Variants in CACNA1C observed in about 807,000 individuals in gnomAD.
CACNA1C encodes the protein calcium voltage-gated channel subunit alpha1 C.
CACNA1C carries 30 observed loss-of-function variants against 229.0 expected under a neutral mutation model. That is an observed-to-expected ratio of 0.13 (90% CI 0.10 to 0.18). The LOEUF is 0.18. Ranked by LOEUF, CACNA1C falls within the 10% of genes least tolerant of loss-of-function variation. The probability of loss-of-function intolerance (pLI) is 1.00; values close to 1 mark genes in which losing one functional copy is unlikely to be tolerated. For synonymous variants in CACNA1C, 1,114 were observed against 1,132.5 expected (o/e 0.98, Z 0.33); for missense variants, 1,658 against 2,845.0 (o/e 0.58, Z 9.49).
chr12:2,450,447 G>C (rs376769580), intron 4 of CACNA1C, among the ~76,000 whole-genome samples: 1 of 150,320 alleles, frequency 6.7e-6, no homozygotes, highest in East Asian at 2.0e-4. Flanking sequence ...CCAGCTACTC[G>C]GGAGGCTGAG....
chr12:2,115,343 G>A lies in CACNA1C; in HGVS notation c.169G>A (p.Asp57Asn), dbSNP rs773528195. 5 of 1,587,382 alleles carry A rather than the reference G, an allele frequency of 3.1e-6. No individual in the cohort carries two copies. The highest frequency in any genetic ancestry group is 2.3e-5 in the South Asian group (2 of 87,986). ...TGCCCTGTCGTGGCAGGCGGCCATCGACGCAGCCCGGCAGGCTAAGCTGAT... is the reference window on the plus strand; with the variant it reads ...TGCCCTGTCGTGGCAGGCGGCCATCAACGCAGCCCGGCAGGCTAAGCTGAT... ...GAALSWQAAI[D>N]AARQAKLMGS... Residue 57 changes from aspartate (D) to asparagine (N), a missense_variant, in exon 2 of 47, where the codon GAC becomes AAC. By Grantham distance (23) the Asp-to-Asn change is conservative. Transcript: ENST00000399655.
chr12:2,326,268 C>T (rs189881819), intron 3 of CACNA1C, among the ~76,000 whole-genome samples: 5 of 152,296 alleles, frequency 3.3e-5, no homozygotes, highest in Middle Eastern at 3.4e-3. Flanking sequence ...TCAGAGGGAA[C>T]GCGCTGATCT....
chr12:2,239,718 C>T (rs1405366568), intron 3 of CACNA1C, among the ~76,000 whole-genome samples: 2 of 152,228 alleles, frequency 1.3e-5, no homozygotes, highest in Non-Finnish European at 2.9e-5. Flanking sequence ...TCCAGTGGCT[C>T]TCTCCTGGGC....
intron 38 of CACNA1C, chr12:2,672,052 T>C (rs1263843662): frequency 1.3e-5 from 2 of 152,250 alleles, no homozygotes; most frequent in African/African-American, 2.4e-5. Context: ...TCTACATTTG[T>C]GAAGATGAGG....
rs1350126839 is a variant in CACNA1C at position 2,682,591 on chromosome 12, A to G, written c.5486A>G (p.Glu1829Gly). Residue 1829 changes from glutamate to glycine, a missense_variant, in exon 43 of 47, where the codon GAG becomes GGG. Coordinates refer to ENST00000399655, the MANE Select transcript of CACNA1C (RefSeq NM_000719.7). Reference sequence around the variant, plus strand: ...AGCCAGGCAGCCATGGCGGGTCAGGAGGAGACGTCTCAGGATGAGACCTAT... The same window carrying G: ...AGCCAGGCAGCCATGGCGGGTCAGGGGGAGACGTCTCAGGATGAGACCTAT... ...RESQAAMAGQ[E>G]ETSQDETYEV... 7.4e-6 allele frequency: 12 copies of G among 1,612,412 alleles called. No homozygotes were observed. Among genetic ancestry groups the G allele is most frequent in the Non-Finnish European group, 9.3e-6 (11 of 1,179,480 alleles).
At chr12:2,232,312 T>A (rs1476441368) in intron 3 of CACNA1C, among the ~76,000 whole-genome samples, 1 of 150,486 alleles carries the variant, frequency 6.6e-6, no homozygotes. Context: ...GGGTCAGTTA[T>A]CATGTAGAAT....
chr12:2,032,047 G>A (rs1179027772), intron 1 of CACNA1C, among the ~76,000 whole-genome samples: 2 of 152,092 alleles, frequency 1.3e-5, no homozygotes, highest in Non-Finnish European at 2.9e-5. Flanking sequence ...GGTAAGAGCA[G>A]TGTAACCACA....
At chr12:2,507,342 C>T (rs567157909) in intron 8 of CACNA1C, among the ~76,000 whole-genome samples, 1 of 152,274 alleles carries the variant, frequency 6.6e-6, no homozygotes, top group Admixed American at 6.5e-5. Flanking sequence ...GAGGCCTCTC[C>T]TCATGTGTCA....
At position 2,491,341 on chromosome 12, in the gene CACNA1C, A is replaced by G. The variant is rs564130794; in HGVS notation, c.917-1849A>G. On this transcript the variant is annotated intron_variant, in intron 6 of 46. Coordinates refer to ENST00000399655, the MANE Select transcript of CACNA1C (RefSeq NM_000719.7). Reference sequence around the variant, plus strand: ...TATAAACTTACTAAAAATAATTAAGATGTACATTTACATTGATAAATTCTG... The same window carrying G: ...TATAAACTTACTAAAAATAATTAAGGTGTACATTTACATTGATAAATTCTG... Among the ~76,000 whole-genome samples, 175 of 152,238 alleles carry G rather than the reference A, an allele frequency of 1.1e-3. 1 individual carries two copies. The highest frequency in any genetic ancestry group is 7.8e-4 in the Non-Finnish European group (53 of 68,044).
At position 2,632,838 on chromosome 12, in the gene CACNA1C, T is replaced by C. The variant is rs2091134789; in HGVS notation, c.3829-1459T>C. ...AACCTGGGGAGGGGCTTAGAAAGCC[T>C]CAGAAAGCCCTGTCAAGAGCCACAT... is the stretch of plus-strand genomic sequence containing the variant. On this transcript the variant is annotated intron_variant, in intron 29 of 46. Coordinates refer to ENST00000399655, the MANE Select transcript of CACNA1C (RefSeq NM_000719.7). The surrounding 1 kb of genome is among the most constrained non-coding windows in gnomAD (Gnocchi z 4.1). 1.3e-5 allele frequency among the ~76,000 whole-genome samples: 2 copies of C among 152,130 alleles called. No homozygotes were observed. Among genetic ancestry groups the C allele is most frequent in the Admixed American group, 1.3e-4 (2 of 15,280 alleles).
Position 2,337,154 on chromosome 12 carries a change from G to A in CACNA1C, c.478-111822G>A, listed in dbSNP as rs2096721906. ...GATAAGCAGGTAGAGAGGCAGCCTG[G>A]CTGCAATGCCCTTCCAAGACCAAGG... On this transcript the variant is annotated intron_variant, in intron 3 of 46. Coordinates refer to ENST00000399655, the MANE Select transcript of CACNA1C (RefSeq NM_000719.7). 2.0e-5 allele frequency among the ~76,000 whole-genome samples: 3 copies of A among 152,308 alleles called. No homozygotes were observed. The South Asian group carries it at 6.2e-4, about 32-fold the overall frequency.
At chr12:2,535,070 G>T (rs577706243) in intron 9 of CACNA1C, among the ~76,000 whole-genome samples, 79 of 152,286 alleles carry the variant, frequency 5.2e-4, no homozygotes, top group African/African-American at 1.8e-3. Flanking sequence ...GAAGCCGCAG[G>T]ACCTCTCACA....
intron 3 of CACNA1C, among the ~76,000 whole-genome samples, chr12:2,213,949 G>T (rs981819744): frequency 6.7e-6 from 1 of 149,426 alleles, no homozygotes; most frequent in Non-Finnish European, 1.5e-5. Context: ...CTTCTCTGCA[G>T]TTGATCAGCA....
intron 13 of CACNA1C, among the ~76,000 whole-genome samples, chr12:2,579,150 G>A (rs780323093): frequency 1.1e-4 from 16 of 152,052 alleles, no homozygotes; most frequent in Admixed American, 4.6e-4. Flanking sequence ...TCAGGCTCCC[G>A]TTGGTCCCCA....
chr12:2,516,125 C>G (rs1163492531), intron 9 of CACNA1C, among the ~76,000 whole-genome samples: 1 of 151,986 alleles, frequency 6.6e-6, no homozygotes, highest in Non-Finnish European at 1.5e-5. Context: ...GTCTCACGAT[C>G]GAGGCAGCAT....
Position 2,197,906 on chromosome 12 carries a change from A to G in CACNA1C, c.477+77476A>G, listed in dbSNP as rs79642635. 2.2e-3 allele frequency among the ~76,000 whole-genome samples: 342 copies of G among 152,360 alleles called. 3 individuals are homozygous for G. Among genetic ancestry groups the G allele is most frequent in the African/African-American group, 7.9e-3 (330 of 41,588 alleles). ...ACCCAGGTCTAGAACTGCAGTGTTA[A>G]GAGATGATTTCCAAACGAAGCTGTG... On this transcript the variant is annotated intron_variant, in intron 3 of 46. Transcript: ENST00000399655.
At chr12:2,420,102 GGTGTGTGT>G (rs564990323) in intron 3 of CACNA1C, among the ~76,000 whole-genome samples, 70 of 125,488 alleles carry the variant, frequency 5.6e-4, no homozygotes, top group Non-Finnish European at 7.9e-4. Context: ...TAGGCAAAAT[GGTGTGTGT>G]GTGTGTGTGT....
At chr12:2,335,813 G>A (rs1243260957) in intron 3 of CACNA1C, among the ~76,000 whole-genome samples, 1 of 152,148 alleles carries the variant, frequency 6.6e-6, no homozygotes, top group East Asian at 1.9e-4. Flanking sequence ...AGAGACGCAG[G>A]ATGAAGAAAG....
chr12:1,987,188 A>T (rs2038047796), intron 1 of CACNA1C, among the ~76,000 whole-genome samples: 9 of 152,214 alleles, frequency 5.9e-5, no homozygotes, highest in Admixed American at 5.9e-4. Context: ...GCTGCTAAGG[A>T]AATTATATTC....
Sources: allele counts gnomAD v4.1 joint callset (sites outside exome capture counted in the v4.1 genomes callset), GRCh38; gene constraint gnomAD v4.1.1; non-coding constraint Gnocchi (gnomAD v3.1); transcripts MANE v1.5; gene names NCBI Gene and HGNC (gene_info 2026-07-23, HGNC 2026-07-21).